PXDC1: variants seen among roughly 807,000 people sequenced by gnomAD.
PXDC1 encodes the protein PX domain-containing protein 1.
Under a neutral mutation model 24.4 loss-of-function variants are expected in PXDC1, and 13 were observed. That is an observed-to-expected ratio of 0.53 (90% confidence interval 0.35 to 0.85). The LOEUF is 0.85. Ranked by LOEUF, PXDC1 falls within the 40% of genes least tolerant of loss-of-function variation. The pLI, the probability that PXDC1 is intolerant of heterozygous loss-of-function variation, is 0.01. For missense variants in PXDC1, 344 were observed against 309.3 expected (o/e 1.11, Z -0.84); for synonymous variants, 162 against 124.9 (o/e 1.30, Z -1.98).
At position 3,728,660 on chromosome 6, in the gene PXDC1, T is replaced by A. The variant is rs1201476520; in HGVS notation, c.467-998A>T. On this transcript the variant is annotated intron_variant, in intron 3 of 4. Transcript: ENST00000380283. This position sits in a 1 kb window ranked among gnomAD's most constrained non-coding sequence, Gnocchi z 4.0. ...GGCCTTGGGACTCAGTTTCCTCCAA[T>A]GAAAAATTTCAAAGTTGTATTAATC... 6.6e-6 allele frequency among the ~76,000 whole-genome samples: 1 copy of A among 152,162 alleles called. No individual in the cohort carries two copies. Among genetic ancestry groups the A allele is most frequent in the Non-Finnish European group, 1.5e-5 (1 of 68,034 alleles).
intron 3 of PXDC1, among the ~76,000 whole-genome samples, chr6:3,732,525 T>C (rs2127598946): frequency 6.6e-6 from 1 of 152,356 alleles, no homozygotes; most frequent in East Asian, 1.9e-4. Context: ...AGGTTTGCAT[T>C]TCCTTTTACA....
At chr6:3,732,233 C>T (rs767873055) in intron 3 of PXDC1, among the ~76,000 whole-genome samples, 12 of 152,326 alleles carry the variant, frequency 7.9e-5, no homozygotes, top group Admixed American at 2.6e-4. Context: ...AGCAGACACG[C>T]GGTCTCAGCC....
intron 1 of PXDC1, chr6:3,751,022 C>T (rs1760700540): frequency 4.4e-6 from 2 of 452,654 alleles, no homozygotes; most frequent in Non-Finnish European, 7.8e-6. Flanking sequence ...GCCCGCCCTG[C>T]CGGCCTCGGC....
Position 3,751,580 on chromosome 6 carries a change from G to T in PXDC1, c.-49C>A, listed in dbSNP as rs1397043828. 2.1e-6 allele frequency: 3 copies of T among 1,450,828 alleles called. No homozygotes were observed. Among genetic ancestry groups the T allele is most frequent in the Non-Finnish European group, 2.7e-6 (3 of 1,106,076 alleles). The allele number at this position is 1,450,828 out of a possible 1,614,324, so 89.9% of individuals were successfully genotyped here. ...GGCTCCCCAGCCCCGCCGCCCGCCC[G>T]CCCGCAGGAGGCGCGCCCCGGCCGG... On this transcript the variant is annotated 5_prime_UTR_variant, in exon 1 of 5. Coordinates refer to ENST00000380283, the MANE Select transcript of PXDC1 (RefSeq NM_183373.4).
intron 4 of PXDC1, among the ~76,000 whole-genome samples, chr6:3,726,189 C>T (rs1760061300): frequency 6.6e-6 from 1 of 152,192 alleles, no homozygotes; most frequent in Non-Finnish European, 1.5e-5. Context: ...GAGGAAGGGT[C>T]TCCATCTGTC....
chr6:3,746,263 G>A (rs548428781), intron 1 of PXDC1, among the ~76,000 whole-genome samples: 16 of 152,340 alleles, frequency 1.1e-4, no homozygotes, highest in East Asian at 7.7e-4. Context: ...CAAACCAAAC[G>A]CAGCTCAGTG....
intron 4 of PXDC1, 62 bp from the exon 5 acceptor site, chr6:3,723,798 G>A (rs556447539): frequency 2.3e-5 from 30 of 1,310,106 alleles, no homozygotes; most frequent in African/African-American, 2.2e-4. Flanking sequence ...CCAAACACCC[G>A]CCGGGACCAT....
Position 3,738,846 on chromosome 6 carries a change from G to C in PXDC1, c.257-698C>G, listed in dbSNP as rs571705292. The C allele has an allele frequency of 2.3e-4, 301 of 1,303,340 alleles. 1 individual carries two copies. Among genetic ancestry groups the C allele is most frequent in the Admixed American group, 5.3e-4 (23 of 43,572 alleles). The allele number at this position is 1,303,340 out of a possible 1,614,324, so 80.7% of individuals were successfully genotyped here. A position where few individuals can be genotyped will look rare whatever the true frequency, so the allele number is the denominator to read the frequency against. On this transcript the variant is annotated intron_variant, in intron 1 of 4. Transcript: ENST00000380283. Reference sequence around the variant, plus strand: ...GTGCTTTTCTATCTCCCCATGAGAAGCGCAGAGCAGAAGTCTTCCCATCAC... The same window carrying C: ...GTGCTTTTCTATCTCCCCATGAGAACCGCAGAGCAGAAGTCTTCCCATCAC...
At chr6:3,748,252 C>T (rs1009642992) in intron 1 of PXDC1, among the ~76,000 whole-genome samples, 8 of 152,066 alleles carry the variant, frequency 5.3e-5, no homozygotes, top group Non-Finnish European at 7.3e-5. Flanking sequence ...GGTAACCCGG[C>T]GACAATATCC....
chr6:3,736,573 C>G (rs1018618787), intron 3 of PXDC1, among the ~76,000 whole-genome samples: 2 of 152,218 alleles, frequency 1.3e-5, no homozygotes, highest in Non-Finnish European at 2.9e-5. Flanking sequence ...CAACCCAGAT[C>G]TTAGTAAGTC....
chr6:3,724,718 C>G lies in PXDC1; in HGVS notation c.579-982G>C, dbSNP rs931424848. ...CCTGGCCCGTGGACAACTGTGGGAA[C>G]TCAGCCATCTCTGGAAAGCTTTGCC... On this transcript the variant is annotated intron_variant, in intron 4 of 4. Transcript: ENST00000380283. This position sits in a 1 kb window ranked among gnomAD's most constrained non-coding sequence, Gnocchi z 4.5. 1.3e-5 allele frequency among the ~76,000 whole-genome samples: 2 copies of G among 152,236 alleles called. No homozygotes were observed. Among genetic ancestry groups the G allele is most frequent in the Non-Finnish European group, 2.9e-5 (2 of 68,036 alleles).
At chr6:3,747,800 A>G (rs77720848) in intron 1 of PXDC1, among the ~76,000 whole-genome samples, 5,057 of 152,292 alleles carry the variant, frequency 0.033, 296 homozygotes, top group African/African-American at 0.12. Context: ...TCTCCCAACC[A>G]GAATATAAGA....
intron 1 of PXDC1, chr6:3,738,947 G>A (rs184788911): frequency 1.2e-5 from 15 of 1,299,204 alleles, no homozygotes; most frequent in Non-Finnish European, 2.0e-6. Context: ...ACACTTGTGT[G>A]ACCGAGGCTG....
intron 3 of PXDC1, 61 bp from the exon 4 acceptor site, chr6:3,727,723 T>C: frequency 8.9e-7 from 1 of 1,122,452 alleles, no homozygotes; most frequent in East Asian, 2.3e-5. Flanking sequence ...GTTTTGGAGT[T>C]TGGAACTTAC....
chr6:3,736,920 G>C (rs1760331867), intron 3 of PXDC1, among the ~76,000 whole-genome samples, 159 bp downstream of exon 3: 1 of 152,198 alleles, frequency 6.6e-6, no homozygotes, highest in Non-Finnish European at 1.5e-5. Flanking sequence ...CTGCTTGGGA[G>C]AATCAGGCAA....
At chr6:3,742,809 C>T (rs187860088) in intron 1 of PXDC1, among the ~76,000 whole-genome samples, 4 of 152,246 alleles carry the variant, frequency 2.6e-5, no homozygotes, top group South Asian at 2.1e-4. Flanking sequence ...ACATAAATTC[C>T]GGTGGGCCAA....
intron 3 of PXDC1, among the ~76,000 whole-genome samples, chr6:3,736,858 G>A (rs991571839): frequency 2.0e-5 from 3 of 152,172 alleles, no homozygotes; most frequent in African/African-American, 7.2e-5. Flanking sequence ...CAATTTACAT[G>A]CCAAACAAAC....
At chr6:3,742,430 T>C (rs962746805) in intron 1 of PXDC1, among the ~76,000 whole-genome samples, 1 of 152,238 alleles carries the variant, frequency 6.6e-6, no homozygotes, top group African/African-American at 2.4e-5. Flanking sequence ...TGGGGGTTCC[T>C]GTCCGACTTG....
intron 1 of PXDC1, among the ~76,000 whole-genome samples, chr6:3,739,834 G>A (rs1760415883): frequency 1.3e-5 from 2 of 152,166 alleles, no homozygotes; most frequent in Non-Finnish European, 1.5e-5. Flanking sequence ...TATACTACAA[G>A]ATGTATATAT....
Sources: allele counts gnomAD v4.1 joint callset (sites outside exome capture counted in the v4.1 genomes callset), GRCh38; gene constraint gnomAD v4.1.1; non-coding constraint Gnocchi (gnomAD v3.1); transcripts MANE v1.5; gene names NCBI Gene and HGNC (gene_info 2026-07-23, HGNC 2026-07-21).